The following MUC4 variants were observed in gnomAD, a reference collection of about 807,000 sequenced individuals.
The protein encoded by MUC4 is mucin 4, cell surface associated.
In MUC4, 202 loss-of-function variants were observed where a neutral mutation model predicts 257.9. The ratio of observed to expected loss-of-function variants is 0.78; its 90% CI spans 0.70 to 0.88. The LOEUF is 0.88. Among genes scored for constraint, MUC4 ranks in the 40% least tolerant of loss-of-function variants. The pLI is 0.00. For synonymous variants in MUC4, 2,351 were observed against 2,757.1 expected, an observed-to-expected ratio of 0.85 and a Z score of 4.62; for missense variants, 5,976 against 6,513.7, an observed-to-expected ratio of 0.92 and a Z score of 2.84.
At position 195,791,395 on chromosome 3, in the gene MUC4, G is replaced by A. The variant is rs1027488551; in HGVS notation, c.185C>T (p.Ser62Phe). 3 of 1,613,988 alleles carry A rather than the reference G, an allele frequency of 1.9e-6. No individual in the cohort carries two copies. The highest frequency in any genetic ancestry group is 2.5e-6 in the Non-Finnish European group (3 of 1,179,900). ...ATLEGQSTAASSRTSNQDISA... is the reference protein window; with the variant it reads ...ATLEGQSTAAFSRTSNQDISA... ...TATGTCCTGATTAGAGGTCCTTGAA[G>A]AAGCTGCAGTTGATTGTCCCTCTAG... Residue 62 changes from serine to phenylalanine, a missense_variant, in exon 2 of 25, where the codon TCT becomes TTT. Physicochemically the swap from Ser to Phe is radical, Grantham distance 155. This residue lies in a region of MUC4 where 1,583 missense variants were observed against 1,257.4 expected (regional missense o/e 1.26). Coordinates refer to ENST00000463781, the MANE Select transcript of MUC4 (RefSeq NM_018406.7).
chr3:195,760,830 C>T lies in MUC4; in HGVS notation c.14848+54G>A. Reference sequence around the variant, plus strand: ...GAAAAGCAGGGTCAGGCAAGGGCAGCTCCTCATCTGCTCCCGACTCTGAAA... The same window carrying T: ...GAAAAGCAGGGTCAGGCAAGGGCAGTTCCTCATCTGCTCCCGACTCTGAAA... On this transcript the variant is annotated intron_variant, in intron 16 of 24. Coordinates refer to ENST00000463781, the MANE Select transcript of MUC4 (RefSeq NM_018406.7). 4.1e-6 allele frequency: 6 copies of T among 1,460,216 alleles called. No homozygotes were observed. The East Asian group carries it at 9.1e-5, about 22-fold the overall frequency. The allele number at this position is 1,460,216 out of a possible 1,614,324, so 90.5% of individuals were successfully genotyped here.
In MUC4 at chr3:195,790,159, C is replaced by T. The variant is rs114687743; in HGVS notation, c.1421G>A (p.Gly474Asp). 4.3e-6 allele frequency: 7 copies of T among 1,614,016 alleles called. No homozygotes were observed. The highest frequency in any genetic ancestry group is 3.3e-5 in the Admixed American group (2 of 60,014). The change falls in exon 2 of 25, where the codon GGT becomes GAT. Residue 474 changes from glycine (G) to aspartate (D), a missense_variant. Around this residue, in one of 44 missense-constraint regions of MUC4, gnomAD observed 1,583 missense variants for 1,257.4 expected, o/e 1.26. Coordinates refer to ENST00000463781, the MANE Select transcript of MUC4 (RefSeq NM_018406.7). ...TAGAGTAAATATTTCTTGAGACACA[C>T]CTGGAGAGAATGAGCTCCTCTCATG... Reference protein sequence around the residue: ...RPHERSSFSPGVSQEIFTLHE... With the variant: ...RPHERSSFSPDVSQEIFTLHE...
intron 3 of MUC4, among the ~76,000 whole-genome samples, chr3:195,774,595 T>G (rs1453512047): frequency 6.6e-6 from 1 of 152,102 alleles, no homozygotes; most frequent in East Asian, 1.9e-4. Context: ...CTCAATCCTT[T>G]TCAGGGTTAA....
chr3:195,789,154 C>T lies in MUC4; in HGVS notation c.2426G>A (p.Gly809Glu). The change falls in exon 2 of 25, where the codon GGG (glycine) becomes GAG (glutamate). Residue 809 changes from glycine to glutamate, a missense_variant. This residue lies in a region of MUC4 where 1,583 missense variants were observed against 1,257.4 expected (regional missense o/e 1.26). Transcript: ENST00000463781. ...SAGTATPSSSGASGTTPSGSE... is the reference protein window; with the variant it reads ...SAGTATPSSSEASGTTPSGSE... ...TCCTGAAGGTGTTGTGCCACTCGCC[C>T]CGGATGAGGAAGGGGTAGCTGTGCC... 6.8e-6 allele frequency: 11 copies of T among 1,613,738 alleles called. No individual in the cohort carries two copies. The highest frequency in any genetic ancestry group is 9.3e-6 in the Non-Finnish European group (11 of 1,179,850).
intron 24 of MUC4, among the ~76,000 whole-genome samples, chr3:195,747,901 G>C (rs1331924848): frequency 2.0e-5 from 3 of 152,272 alleles, no homozygotes; most frequent in African/African-American, 7.2e-5. Context: ...TCAGCTGCAC[G>C]TGCAGTCAGC....
At chr3:195,762,396 GGCCGGCGAGCT>G in intron 13 of MUC4, 142 bp from the exon 14 acceptor site, 1 of 952,090 alleles carries the variant, frequency 1.1e-6, no homozygotes, top group South Asian at 1.7e-5. Context: ...GCGGAGAAGA[GGCCGGCGAGCT>G]GCACGCCCCG....
In MUC4 at chr3:195,757,344, T is replaced by C; in HGVS notation, c.14987-16A>G. The C allele has an allele frequency of 1.3e-6, 2 of 1,579,648 alleles. No homozygotes were observed. Among genetic ancestry groups the C allele is most frequent in the South Asian group, 2.3e-5 (2 of 88,314 alleles). On this transcript the variant is annotated splice_polypyrimidine_tract_variant and intron_variant, in intron 17 of 24. Transcript: ENST00000463781. The surrounding 1 kb of genome is among the most constrained non-coding windows in gnomAD (Gnocchi z 4.8). ...GTCCCATTCTCTGCCCCGGGGAAGA[T>C]GAGAATGTTGAGAGCTGGGAGACTC... is the stretch of plus-strand genomic sequence containing the variant.
At chr3:195,772,205 ATCGCTCAGTGGGTGGAGCCCTCCCTCCG>A (rs1415941690) in intron 4 of MUC4, among the ~76,000 whole-genome samples, 10 of 74,148 alleles carry the variant, frequency 1.3e-4, no homozygotes, top group Non-Finnish European at 2.4e-4. Context: ...CCCTCCCTCC[ATCGCTCAGTGGGTGGAGCCCTCCCTCCG>A]TCGCTCAGGG....
chr3:195,753,584 C>G, intron 19 of MUC4: 2 of 361,782 alleles, frequency 5.5e-6, no homozygotes, highest in South Asian at 6.5e-5. Context: ...TGCGGTTCTA[C>G]CCACTCTGGC....
intron 7 of MUC4, among the ~76,000 whole-genome samples, chr3:195,767,823 C>CCATCAT (rs1430416466): frequency 6.1e-5 from 6 of 98,616 alleles, no homozygotes; most frequent in African/African-American, 3.0e-4. Context: ...ATCACCACCA[C>CCATCAT]CACCACCATC....
At chr3:195,762,297 C>G (rs775333239) in intron 13 of MUC4, 43 bp from the exon 14 acceptor site, 67 of 1,528,090 alleles carry the variant, frequency 4.4e-5, no homozygotes, top group Non-Finnish European at 5.7e-5. Context: ...AGGTCGGCAC[C>G]ACGGCCCGCA....
chr3:195,801,741 G>T (rs2149068402), intron 1 of MUC4, among the ~76,000 whole-genome samples: 1 of 152,114 alleles, frequency 6.6e-6, no homozygotes, highest in South Asian at 2.1e-4. Flanking sequence ...ATTTTCTCCA[G>T]TCCTCACGCG....
At chr3:195,748,106 C>T (rs2148736686) in intron 24 of MUC4, among the ~76,000 whole-genome samples, 1 of 152,394 alleles carries the variant, frequency 6.6e-6, no homozygotes, top group South Asian at 2.1e-4. Context: ...CGTGGGGCCG[C>T]GGCTTCCTGC....
intron 24 of MUC4, among the ~76,000 whole-genome samples, chr3:195,748,088 C>T (rs1276386632): frequency 1.9e-4 from 29 of 152,374 alleles, no homozygotes; most frequent in African/African-American, 6.5e-4. Flanking sequence ...GCCCGGAGCC[C>T]AGGTCTGCGT....
intron 1 of MUC4, among the ~76,000 whole-genome samples, chr3:195,793,497 G>A (rs1007673198): frequency 1.7e-5 from 2 of 116,738 alleles, no homozygotes; most frequent in African/African-American, 7.1e-5. Flanking sequence ...GCAAGATTCT[G>A]TCTCAAAAAA....
chr3:195,780,976 G>C lies in MUC4; in HGVS notation c.10604C>G (p.Thr3535Arg). 6.6e-7 allele frequency: 1 copy of C among 1,508,710 alleles called. No homozygotes were observed. The highest frequency in any genetic ancestry group is 8.9e-7 in the Non-Finnish European group (1 of 1,120,686). The allele number at this position is 1,508,710 out of a possible 1,614,324, so 93.5% of individuals were successfully genotyped here. ...GGAAAGGCTGGTGACAGGAAGAGGCGTGGCGTGACCGGTGGATACTGAGGA... is the reference window on the plus strand; with the variant it reads ...GGAAAGGCTGGTGACAGGAAGAGGCCTGGCGTGACCGGTGGATACTGAGGA... ...DTSSVSTGHATPLPVTSLSSV... is the reference protein window; with the variant it reads ...DTSSVSTGHARPLPVTSLSSV... Residue 3535 changes from threonine to arginine, a missense_variant, in exon 2 of 25, where the codon ACG becomes AGG. Physicochemically the swap from Thr to Arg is moderately conservative, Grantham distance 71. Around this residue, in one of 44 missense-constraint regions of MUC4, gnomAD observed 297 missense variants for 240.9 expected, o/e 1.23. Coordinates refer to ENST00000463781, the MANE Select transcript of MUC4 (RefSeq NM_018406.7).
chr3:195,793,547 G>T (rs895628197), intron 1 of MUC4, among the ~76,000 whole-genome samples: 3 of 151,944 alleles, frequency 2.0e-5, no homozygotes, highest in Non-Finnish European at 2.9e-5. Flanking sequence ...GAGAGATGGG[G>T]GTGCAGGATT....
At position 195,755,725 on chromosome 3, in the gene MUC4, A is replaced by G. The variant is rs1029454290; in HGVS notation, c.15169-1353T>C. On this transcript the variant is annotated intron_variant, in intron 18 of 24. Transcript: ENST00000463781. This position sits in a 1 kb window ranked among gnomAD's most constrained non-coding sequence, Gnocchi z 5.0. ...GAGTGGATATTTGGGGATCTGTGGA[A>G]TAGTATATTGATTTCAATCTCTTTT... Among the ~76,000 whole-genome samples the G allele has an allele frequency of 6.6e-6, 1 of 152,144 alleles. No individual in the cohort carries two copies. Among genetic ancestry groups the G allele is most frequent in the Non-Finnish European group, 1.5e-5 (1 of 68,018 alleles).
rs145296842 is a variant in MUC4, at chr3:195,752,072, G to A, written c.15582+301C>T. The A allele has an allele frequency of 2.6e-3, 1,032 of 402,214 alleles. 10 individuals carry two copies. Among genetic ancestry groups the A allele is most frequent in the African/African-American group, 0.018 (928 of 51,024 alleles). 24.9% of individuals were successfully genotyped at this position (402,214 alleles called of 1,614,324 possible). ...GCCGCCCGTTCCCTCTGGGAAGTCA[G>A]GGAAGACTCCCGGGAGGTGAAATGT... On this transcript the variant is annotated intron_variant, in intron 21 of 24. Coordinates refer to ENST00000463781, the MANE Select transcript of MUC4 (RefSeq NM_018406.7).
Sources: gnomAD v4.1 joint callset for allele counts (sites outside exome capture counted in the v4.1 genomes callset) on GRCh38, gnomAD v4.1.1 for gene constraint, gnomAD v4.1.1 regional missense constraint, Gnocchi (gnomAD v3.1) non-coding constraint, MANE v1.5 for transcripts, NCBI Gene and HGNC (gene_info 2026-07-23, HGNC 2026-07-21) for gene names.